GPC5: variants seen among roughly 807,000 people sequenced by gnomAD.
The protein encoded by GPC5 is glypican-5.
GPC5 carries 47 observed loss-of-function variants against 53.9 expected under a neutral mutation model. The ratio of observed to expected loss-of-function variants is 0.87; its 90% CI spans 0.69 to 1.11. The LOEUF (loss-of-function observed/expected upper bound fraction) is 1.11, where lower values mean the gene tolerates loss of function less well. Among genes scored for constraint, GPC5 ranks in the 50% most tolerant of loss-of-function variants. The probability of loss-of-function intolerance (pLI) is 0.00; values close to 1 mark genes in which losing one functional copy is unlikely to be tolerated. For missense variants in GPC5, 748 were observed against 713.1 expected (o/e 1.05, Z -0.56); for synonymous variants, 286 against 263.3 (o/e 1.09, Z -0.84).
chr13:92,314,110 T>C (rs965913982), intron 7 of GPC5, among the ~76,000 whole-genome samples: 1 of 152,178 alleles, frequency 6.6e-6, no homozygotes, highest in African/African-American at 2.4e-5. Flanking sequence ...GAGAGAATTA[T>C]ATCACATGTC....
At chr13:92,262,003 C>T (rs1292109416) in intron 7 of GPC5, among the ~76,000 whole-genome samples, 1 of 151,954 alleles carries the variant, frequency 6.6e-6, no homozygotes, top group African/African-American at 2.4e-5. Context: ...TGCCATATGT[C>T]CAGTATTTGT....
intron 3 of GPC5, among the ~76,000 whole-genome samples, chr13:91,694,770 T>C (rs1034862282): frequency 6.6e-6 from 1 of 152,152 alleles, no homozygotes; most frequent in Non-Finnish European, 1.5e-5. Context: ...TCTCATAAAT[T>C]AGCTTTAAGC....
At chr13:92,428,552 C>G (rs1428329376) in intron 7 of GPC5, among the ~76,000 whole-genome samples, 2 of 152,030 alleles carry the variant, frequency 1.3e-5, no homozygotes, top group Non-Finnish European at 2.9e-5. Context: ...ATTGTTGGCT[C>G]AAATATATCT....
intron 6 of GPC5, among the ~76,000 whole-genome samples, chr13:91,976,083 G>C (rs2040298120): frequency 6.6e-6 from 1 of 152,010 alleles, no homozygotes; most frequent in Non-Finnish European, 1.5e-5. Context: ...AGAACACATG[G>C]ACACAGGAAG....
intron 2 of GPC5, among the ~76,000 whole-genome samples, chr13:91,589,173 CT>C (rs1409021001): frequency 6.7e-6 from 1 of 149,414 alleles, no homozygotes; most frequent in Admixed American, 6.6e-5. Context: ...TCCTCACTGA[CT>C]TTCTCTTTCA....
chr13:92,441,452 A>C (rs1485193410), intron 7 of GPC5, among the ~76,000 whole-genome samples: 1 of 152,214 alleles, frequency 6.6e-6, no homozygotes, highest in Non-Finnish European at 1.5e-5. Flanking sequence ...AATAATCCGT[A>C]AGGCTCCTAG....
intron 6 of GPC5, among the ~76,000 whole-genome samples, chr13:92,136,409 ATCAC>A (rs1481079579): frequency 6.6e-6 from 1 of 152,182 alleles, no homozygotes. Flanking sequence ...TGGTTTATCA[ATCAC>A]AAAATAAAAA....
intron 7 of GPC5, among the ~76,000 whole-genome samples, chr13:92,808,816 T>C (rs1877193610): frequency 6.6e-6 from 1 of 151,970 alleles, no homozygotes; most frequent in Admixed American, 6.6e-5. Context: ...TTTTTAGTGG[T>C]ATAATCAACA....
At chr13:91,736,779 G>T (rs2036824758) in intron 4 of GPC5, among the ~76,000 whole-genome samples, 1 of 151,094 alleles carries the variant, frequency 6.6e-6, no homozygotes, top group South Asian at 2.1e-4. Flanking sequence ...GATCTAATTG[G>T]CTTTTATTTG....
At chr13:91,497,758 T>G (rs1884358479) in intron 2 of GPC5, among the ~76,000 whole-genome samples, 1 of 152,190 alleles carries the variant, frequency 6.6e-6, no homozygotes, top group Admixed American at 6.5e-5. Context: ...AGAGCTAAAT[T>G]CAATCTGTTT....
intron 7 of GPC5, among the ~76,000 whole-genome samples, chr13:92,543,751 A>G (rs545350124): frequency 2.6e-5 from 4 of 152,226 alleles, no homozygotes; most frequent in African/African-American, 7.2e-5. Context: ...AAGGAAGACT[A>G]AAATTTTTTA....
At chr13:92,723,967 C>A (rs1242436795) in intron 7 of GPC5, among the ~76,000 whole-genome samples, 2 of 151,418 alleles carry the variant, frequency 1.3e-5, no homozygotes, top group African/African-American at 4.8e-5. Flanking sequence ...TTTTGCGTTT[C>A]AGAAATAGAG....
At chr13:92,423,839 T>A (rs1876698144) in intron 7 of GPC5, among the ~76,000 whole-genome samples, 1 of 152,176 alleles carries the variant, frequency 6.6e-6, no homozygotes, top group Non-Finnish European at 1.5e-5. Context: ...GCTAGAAGAT[T>A]GCTCAGACAG....
In GPC5 at chr13:92,807,144, G is replaced by C. The variant is rs539116928; in HGVS notation, c.1562-59138G>C. On this transcript the variant is annotated intron_variant, in intron 7 of 7. Coordinates refer to ENST00000377067, the MANE Select transcript of GPC5 (RefSeq NM_004466.6). ...TTAGCATAATATCTGAAATTTACCA[G>C]CACCATATAAAGATTTTGCTATTAT... 3.3e-5 allele frequency among the ~76,000 whole-genome samples: 5 copies of C among 151,912 alleles called. No homozygotes were observed. In the Admixed American group the frequency reaches 3.3e-4, roughly 10 times the overall value.
intron 7 of GPC5, among the ~76,000 whole-genome samples, chr13:92,496,812 T>C (rs561598105): frequency 3.3e-5 from 5 of 152,308 alleles, no homozygotes; most frequent in Admixed American, 3.3e-4. Flanking sequence ...TGAGTTAGCA[T>C]GGTCAATCTG....
chr13:92,133,865 C>T (rs1188304340), intron 6 of GPC5, among the ~76,000 whole-genome samples: 6 of 152,088 alleles, frequency 3.9e-5, no homozygotes, highest in Non-Finnish European at 5.9e-5. Flanking sequence ...ATGTTTTTTT[C>T]TGTCCGTGGA....
At chr13:91,892,946 A>G (rs1594645811) in intron 5 of GPC5, among the ~76,000 whole-genome samples, 2 of 151,934 alleles carry the variant, frequency 1.3e-5, no homozygotes, top group East Asian at 1.9e-4. Context: ...GAAAACTAAG[A>G]TATTAGATAA....
At chr13:92,729,246 T>G (rs1003276226) in intron 7 of GPC5, among the ~76,000 whole-genome samples, 3 of 151,310 alleles carry the variant, frequency 2.0e-5, no homozygotes, top group Non-Finnish European at 4.4e-5. Context: ...GTTCAACCAT[T>G]TTGTATTTCC....
At chr13:91,639,493 T>C (rs1426585398) in intron 2 of GPC5, among the ~76,000 whole-genome samples, 3 of 152,242 alleles carry the variant, frequency 2.0e-5, no homozygotes, top group South Asian at 4.1e-4. Flanking sequence ...CATGCATTTA[T>C]CGTAATTGAC....
Sources: allele counts gnomAD v4.1 joint callset (sites outside exome capture counted in the v4.1 genomes callset), GRCh38; gene constraint gnomAD v4.1.1; transcripts MANE v1.5; gene names NCBI Gene and HGNC (gene_info 2026-07-23, HGNC 2026-07-21).